DGLUCY: variants seen among roughly 807,000 people sequenced by gnomAD.
DGLUCY encodes the protein D-glutamate cyclase, also known as D-glutamate cyclase, mitochondrial.
DGLUCY carries 58 observed loss-of-function variants against 58.5 expected under a neutral mutation model. The ratio of observed to expected loss-of-function variants is 0.99; its 90% CI spans 0.80 to 1.23. The LOEUF is 1.23. DGLUCY is among the 50% of genes most tolerant of loss of function. The pLI is 0.00. For missense variants in DGLUCY, 779 were observed against 784.7 expected, an observed-to-expected ratio of 0.99 and a Z score of 0.09; for synonymous variants, 325 against 314.1, an observed-to-expected ratio of 1.03 and a Z score of -0.37.
chr14:91,088,230 A>G (rs1192421494), intron 1 of DGLUCY, among the ~76,000 whole-genome samples: 1 of 152,246 alleles, frequency 6.6e-6, no homozygotes, highest in Non-Finnish European at 1.5e-5. Flanking sequence ...CCTGACCTCA[A>G]GGAATTTACA....
At chr14:91,105,670 T>C (rs2044576541), upstream of DGLUCY, among the ~76,000 whole-genome samples, 2 of 152,242 alleles carry the variant, frequency 1.3e-5, no homozygotes, top group African/African-American at 4.8e-5. Context: ...TCAGAGACAC[T>C]TCAAGGGGCG....
chr14:91,198,916 G>A (rs2050384774), intron 10 of DGLUCY, among the ~76,000 whole-genome samples: 1 of 152,160 alleles, frequency 6.6e-6, no homozygotes, highest in African/African-American at 2.4e-5. Flanking sequence ...GAACCCAGAT[G>A]ATCTGCTGCC....
At chr14:91,148,542 A>G (rs1337642669) in intron 1 of DGLUCY, 3 of 152,150 alleles carry the variant, frequency 2.0e-5, no homozygotes, top group Admixed American at 1.3e-4. Flanking sequence ...TTAAAACTCA[A>G]TAACATCATT....
intron 1 of DGLUCY, among the ~76,000 whole-genome samples, chr14:91,124,839 C>A (rs1595693530): frequency 1.3e-5 from 2 of 152,208 alleles, no homozygotes; most frequent in African/African-American, 4.8e-5. Context: ...TATCTGCTAT[C>A]CATAATAAAG....
intron 1 of DGLUCY, among the ~76,000 whole-genome samples, chr14:91,121,996 A>T (rs1353478839): frequency 1.3e-5 from 2 of 152,158 alleles, no homozygotes; most frequent in African/African-American, 4.8e-5. Context: ...CTGGGAGATG[A>T]TCACAGAAGA....
intron 1 of DGLUCY, among the ~76,000 whole-genome samples, chr14:91,100,626 TC>T (rs1331410894): frequency 2.0e-5 from 3 of 152,200 alleles, no homozygotes; most frequent in Non-Finnish European, 4.4e-5. Context: ...CCTGACAGCA[TC>T]CCATCTTCTT....
At chr14:91,082,394 A>C (rs2044142298) in intron 1 of DGLUCY, among the ~76,000 whole-genome samples, 1 of 152,182 alleles carries the variant, frequency 6.6e-6, no homozygotes, top group Admixed American at 6.6e-5. Context: ...TGGAGGCCTT[A>C]TCGAAACAGC....
chr14:91,091,345 AC>A (rs757916506), intron 1 of DGLUCY, among the ~76,000 whole-genome samples: 116 of 151,602 alleles, frequency 7.7e-4, no homozygotes, highest in Non-Finnish European at 1.5e-3. Context: ...ACATGGTAAA[AC>A]CCCGTCTTTA....
intron 1 of DGLUCY, among the ~76,000 whole-genome samples, chr14:91,136,656 C>A (rs1399101532): frequency 6.7e-6 from 1 of 150,326 alleles, no homozygotes; most frequent in African/African-American, 2.5e-5. Context: ...GCCCTATAGC[C>A]TGGGTGACAG....
intron 7 of DGLUCY, among the ~76,000 whole-genome samples, chr14:91,178,405 C>T (rs7145563): frequency 0.037 from 5,661 of 152,182 alleles, 357 homozygotes; most frequent in African/African-American, 0.13. Context: ...CTCAAGCGAT[C>T]CTCCCACCTC....
At chr14:91,163,532 C>T (rs528855925) in intron 3 of DGLUCY, among the ~76,000 whole-genome samples, 1 of 152,136 alleles carries the variant, frequency 6.6e-6, no homozygotes, top group South Asian at 2.1e-4. Context: ...CCGGGCCCTG[C>T]GATTTGAGCA....
chr14:91,072,990 C>G (rs778358405), intron 1 of DGLUCY, among the ~76,000 whole-genome samples: 5 of 151,672 alleles, frequency 3.3e-5, no homozygotes, highest in Non-Finnish European at 7.4e-5. Flanking sequence ...GCCTGGGTGA[C>G]AGCAAAAAAA....
chr14:91,116,569 C>G (rs1050366438), intron 1 of DGLUCY, among the ~76,000 whole-genome samples: 2 of 152,158 alleles, frequency 1.3e-5, no homozygotes, highest in Non-Finnish European at 2.9e-5. Context: ...AACCAGACCC[C>G]GAGAGTGTTC....
intron 1 of DGLUCY, among the ~76,000 whole-genome samples, chr14:91,088,589 A>G (rs1380965241): frequency 2.0e-5 from 3 of 152,178 alleles, no homozygotes; most frequent in Non-Finnish European, 4.4e-5. Flanking sequence ...GAGCTTGTCC[A>G]AGGAAGAAAG....
intron 1 of DGLUCY, among the ~76,000 whole-genome samples, chr14:91,061,078 A>G (rs568949305): frequency 2.9e-4 from 44 of 152,124 alleles, no homozygotes; most frequent in African/African-American, 1.0e-3. Flanking sequence ...GGATGATTGG[A>G]ACGTTTGGTC....
intron 1 of DGLUCY, among the ~76,000 whole-genome samples, chr14:91,097,178 C>G (rs567267208): frequency 1.3e-5 from 2 of 152,298 alleles, no homozygotes; most frequent in African/African-American, 4.8e-5. Flanking sequence ...AGGAAGACTG[C>G]TTGAGTCCAA....
intron 1 of DGLUCY, among the ~76,000 whole-genome samples, chr14:91,134,477 A>AC (rs1228790527): frequency 2.6e-5 from 4 of 151,188 alleles, no homozygotes; most frequent in Non-Finnish European, 5.9e-5. Flanking sequence ...TCCATCTGTC[A>AC]CCCAGGCTGG....
At chr14:91,198,828 AC>A (rs2050377380) in intron 10 of DGLUCY, among the ~76,000 whole-genome samples, 1 of 151,938 alleles carries the variant, frequency 6.6e-6, no homozygotes, top group Admixed American at 6.6e-5. Flanking sequence ...TGGTCATGTC[AC>A]CCTACAGATG....
At chr14:91,119,011 A>G (rs1472539174) in intron 1 of DGLUCY, among the ~76,000 whole-genome samples, 1 of 152,118 alleles carries the variant, frequency 6.6e-6, no homozygotes, top group East Asian at 1.9e-4. Flanking sequence ...TAAAATTATT[A>G]TTATCTGTGC....
Sources: gnomAD v4.1 joint callset for allele counts (sites outside exome capture counted in the v4.1 genomes callset) on GRCh38, gnomAD v4.1.1 for gene constraint, MANE v1.5 for transcripts, NCBI Gene and HGNC (gene_info 2026-07-23, HGNC 2026-07-21) for gene names.